Variants in POLR2B observed in about 807,000 individuals in gnomAD.
POLR2B encodes the protein DNA-directed RNA polymerase II subunit RPB2.
Under a neutral mutation model 144.6 loss-of-function variants are expected in POLR2B, and 57 were observed. That is an observed-to-expected ratio of 0.39 (90% CI 0.32 to 0.49). The LOEUF is 0.49. Among genes scored for constraint, POLR2B ranks in the 20% least tolerant of loss-of-function variants. The pLI is 0.83. For missense variants in POLR2B, 595 were observed against 1,467.4 expected, an observed-to-expected ratio of 0.41 and a Z score of 9.71; for synonymous variants, 442 against 469.8, an observed-to-expected ratio of 0.94 and a Z score of 0.77.
chr4:56,979,129 A>G (rs986935054), intron 1 of POLR2B, 125 bp downstream of exon 1: 6 of 1,008,638 alleles, frequency 5.9e-6, no homozygotes, highest in Non-Finnish European at 9.4e-6. Flanking sequence ...CCTTGTTCCC[A>G]CACTTACCAG....
chr4:56,992,186 G>A (rs1190297051), intron 3 of POLR2B, among the ~76,000 whole-genome samples: 13 of 151,998 alleles, frequency 8.6e-5, no homozygotes, highest in South Asian at 2.1e-4. Flanking sequence ...TGGTGTGGCC[G>A]GTGCGATGGC....
At chr4:57,014,891 C>T (rs988821344) in intron 13 of POLR2B, among the ~76,000 whole-genome samples, 41 of 152,060 alleles carry the variant, frequency 2.7e-4, no homozygotes, top group African/African-American at 9.7e-4. Context: ...AACTATTTTA[C>T]GTTCTTTTTT....
chr4:57,011,207 C>A, intron 13 of POLR2B, 107 bp downstream of exon 13: 1 of 744,084 alleles, frequency 1.3e-6, no homozygotes, highest in Non-Finnish European at 2.4e-6. Flanking sequence ...ACTTTATTCC[C>A]TTGAACTGTA....
At chr4:56,992,101 G>T (rs62310295) in intron 3 of POLR2B, among the ~76,000 whole-genome samples, 48,429 of 152,062 alleles carry the variant, frequency 0.32, 8,007 homozygotes, top group Middle Eastern at 0.37. Flanking sequence ...AGAAAAGATG[G>T]AAGAGACTTA....
chr4:57,021,076 G>A (rs1560483675), intron 17 of POLR2B, 81 bp downstream of exon 17: 2 of 803,090 alleles, frequency 2.5e-6, no homozygotes, highest in East Asian at 5.0e-5. Context: ...TTAAAATACA[G>A]TTTAACTACG....
intron 1 of POLR2B, among the ~76,000 whole-genome samples, chr4:56,979,457 C>CG (rs1466038185): frequency 8.5e-5 from 4 of 46,946 alleles, no homozygotes; most frequent in African/African-American, 1.6e-4. Context: ...GTGGGGGTGG[C>CG]GGGGGGGACT....
chr4:57,021,393 T>C (rs1403467275), intron 17 of POLR2B, among the ~76,000 whole-genome samples: 1 of 152,086 alleles, frequency 6.6e-6, no homozygotes, highest in Non-Finnish European at 1.5e-5. Flanking sequence ...AAACTGGGAA[T>C]TTAGTAGAGG....
At chr4:56,996,214 G>GTGTGTGTGTGTGTGTA (rs1722672554) in intron 6 of POLR2B, among the ~76,000 whole-genome samples, 1 of 142,156 alleles carries the variant, frequency 7.0e-6, no homozygotes, top group Non-Finnish European at 1.5e-5. Context: ...TCATGTGTGT[G>GTGTGTGTGTGTGTGTA]TGTGTGTGTG....
At chr4:56,998,259 T>C (rs1345853755) in intron 6 of POLR2B, among the ~76,000 whole-genome samples, 2 of 151,504 alleles carry the variant, frequency 1.3e-5, no homozygotes, top group Non-Finnish European at 2.9e-5. Flanking sequence ...CTGGAGTGGC[T>C]CTATCCCAGC....
chr4:56,994,946 A>AT, intron 5 of POLR2B, 80 bp downstream of exon 5: 1 of 841,574 alleles, frequency 1.2e-6, no homozygotes, highest in Admixed American at 2.8e-5. Context: ...AAAAAAAAAA[A>AT]GAAAGAAAGA....
intron 4 of POLR2B, 60 bp from the exon 5 acceptor site, chr4:56,994,587 T>C (rs1722619997): frequency 6.9e-7 from 1 of 1,450,348 alleles, no homozygotes; most frequent in Non-Finnish European, 9.7e-7. Context: ...TTTAACCACT[T>C]GAGGATTTGT....
intron 16 of POLR2B, 86 bp from the exon 17 acceptor site, chr4:57,020,813 T>G: frequency 1.2e-6 from 1 of 801,568 alleles, no homozygotes; most frequent in Admixed American, 1.7e-5. Context: ...ATGGCAAATA[T>G]GATGTAATTA....
intron 13 of POLR2B, 31 bp downstream of exon 13, chr4:57,011,131 T>C: frequency 7.2e-7 from 1 of 1,391,696 alleles, no homozygotes; most frequent in Non-Finnish European, 1.0e-6. Context: ...GGGTGTGGAC[T>C]GTGAGATTTT....
chr4:57,020,807 C>T, intron 16 of POLR2B, 92 bp from the exon 17 acceptor site: 1 of 792,166 alleles, frequency 1.3e-6, no homozygotes, highest in Non-Finnish European at 2.3e-6. Flanking sequence ...GCATTTATGG[C>T]AAATATGATG....
At chr4:56,996,262 G>A (rs56017945) in intron 6 of POLR2B, among the ~76,000 whole-genome samples, 67,827 of 88,734 alleles carry the variant, frequency 0.76, 26,420 homozygotes, top group Middle Eastern at 0.81. Context: ...GTGTGTGTGT[G>A]TATATATATA....
chr4:56,990,536 C>T (rs1722481199), intron 2 of POLR2B, among the ~76,000 whole-genome samples: 1 of 152,148 alleles, frequency 6.6e-6, no homozygotes, highest in South Asian at 2.1e-4. Context: ...ATATAAGCTG[C>T]TTTTCCCCAA....
At chr4:56,994,343 T>C in intron 3 of POLR2B, 61 bp from the exon 4 acceptor site, 1 of 813,524 alleles carries the variant, frequency 1.2e-6, no homozygotes, top group African/African-American at 1.7e-5. Context: ...TAAAATGGAA[T>C]CACTAAAACT....
chr4:56,978,908 G>A lies in POLR2B; in HGVS notation c.-78G>A. ...GGAGACGGAAGTTACTTCGTCTTTA[G>A]CTCCTGGCGCTGCTGGCTTCTGGGC... On this transcript the variant is annotated 5_prime_UTR_variant, in exon 1 of 25. Transcript: ENST00000314595. 1 of 1,382,214 alleles carries A rather than the reference G, an allele frequency of 7.2e-7. No homozygotes were observed. The highest frequency in any genetic ancestry group is 1.7e-5 in the Admixed American group (1 of 59,726). The allele number at this position is 1,382,214 out of a possible 1,614,324, so 85.6% of individuals were successfully genotyped here.
rs750130440 is a variant in POLR2B at position 57,015,628 on chromosome 4, T to C, written c.1927T>C (p.Leu643=). ...LLLKKRHIDQ[L]KEREYNNYSW... Reference sequence around the variant, plus strand: ...TTTGAAGAAGAGGCATATTGACCAATTGAAAGAGAGAGAATATAACAACTA... The same window carrying C: ...TTTGAAGAAGAGGCATATTGACCAACTGAAAGAGAGAGAATATAACAACTA... The change falls in exon 14 of 25, where the codon TTG becomes CTG. Residue 643 remains leucine, a synonymous_variant. Transcript: ENST00000314595. 1 of 1,482,148 alleles carries C rather than the reference T, an allele frequency of 6.7e-7. No homozygotes were observed. Among genetic ancestry groups the C allele is most frequent in the Non-Finnish European group, 9.1e-7 (1 of 1,103,324 alleles). 91.8% of individuals were successfully genotyped at this position (1,482,148 alleles called of 1,614,324 possible).
Sources: gnomAD v4.1 joint callset for allele counts (sites outside exome capture counted in the v4.1 genomes callset) on GRCh38, gnomAD v4.1.1 for gene constraint, MANE v1.5 for transcripts, NCBI Gene and HGNC (gene_info 2026-07-23, HGNC 2026-07-21) for gene names.